RFX6: variants seen among roughly 807,000 people sequenced by gnomAD.
The protein encoded by RFX6 is regulatory factor X6.
RFX6 carries 50 observed loss-of-function variants against 110.8 expected under a neutral mutation model. The ratio of observed to expected loss-of-function variants is 0.45; its 90% CI spans 0.36 to 0.57. The LOEUF is 0.57. RFX6 is among the 20% of genes least tolerant of loss of function. The probability of loss-of-function intolerance (pLI) is 0.00; values close to 1 mark genes in which losing one functional copy is unlikely to be tolerated. For missense variants in RFX6, 990 were observed against 1,127.0 expected (o/e 0.88, Z 1.74); for synonymous variants, 383 against 411.2 (o/e 0.93, Z 0.83).
chr6:116,893,155 G>C (rs1172579680), intron 4 of RFX6, among the ~76,000 whole-genome samples: 1 of 152,140 alleles, frequency 6.6e-6, no homozygotes, highest in African/African-American at 2.4e-5. Context: ...GGTGCTTTAT[G>C]GGGGATGGAT....
rs1164069140 is a variant in RFX6, at chr6:116,927,559, T to G, written c.2398+20T>G. The G allele has an allele frequency of 6.2e-7, 1 of 1,605,456 alleles. No individual in the cohort carries two copies. Among genetic ancestry groups the G allele is most frequent in the Non-Finnish European group, 8.5e-7 (1 of 1,178,790 alleles). On this transcript the variant is annotated intron_variant, in intron 17 of 18. Coordinates refer to ENST00000332958, the MANE Select transcript of RFX6 (RefSeq NM_173560.4). The stretch of plus-strand genomic sequence containing the variant: ...CAAATGGTATTGATATTTAAAAGAA[T>G]TTTTCTTGGTTTTTGAGATGGCAAT...
chr6:116,908,973 G>A (rs1422962442), intron 6 of RFX6, among the ~76,000 whole-genome samples: 8 of 151,766 alleles, frequency 5.3e-5, no homozygotes, highest in Non-Finnish European at 8.8e-5. Flanking sequence ...TGACATATAC[G>A]TTTTCAAGTG....
chr6:116,924,761 A>C lies in RFX6; in HGVS notation c.1648A>C (p.Asn550His). Residue 550 changes from asparagine (N) to histidine (H), a missense_variant, in exon 15 of 19, where the codon AAT becomes CAT. Asn to His is a moderately conservative substitution (Grantham distance 68). This residue lies in a region of RFX6 where 89 missense variants were observed against 140.3 expected (regional missense o/e 0.63). Transcript: ENST00000332958. ...TAATGACAAAGAGCAGGAGTTACAG[A>C]ATTTATTGGACAAGTATATGAAGAA... ...FNNDKEQELQ[N>H]LLDKYMKNSD... The C allele has an allele frequency of 6.3e-7, 1 of 1,591,188 alleles. No individual in the cohort carries two copies. Among genetic ancestry groups the C allele is most frequent in the Non-Finnish European group, 8.6e-7 (1 of 1,159,110 alleles).
Position 116,922,168 on chromosome 6 carries a change from G to A in RFX6, c.1437+17G>A. ...GTTATTAAGGTACTTTTTAATGACA[G>A]ATTCAGAAAATAAGTTCCTTGTAAA... is the stretch of plus-strand genomic sequence containing the variant. On this transcript the variant is annotated intron_variant, in intron 13 of 18. Transcript: ENST00000332958. 2.7e-6 allele frequency: 3 copies of A among 1,130,798 alleles called. No individual in the cohort carries two copies. The highest frequency in any genetic ancestry group is 4.1e-6 in the Non-Finnish European group (3 of 739,598). The allele number at this position is 1,130,798 out of a possible 1,614,324, so 70.0% of individuals were successfully genotyped here.
At chr6:116,883,637 A>G (rs1230721883) in intron 4 of RFX6, among the ~76,000 whole-genome samples, 1 of 152,110 alleles carries the variant, frequency 6.6e-6, no homozygotes, top group Admixed American at 6.6e-5. Context: ...TCTAGTGTGT[A>G]TTTTACACTT....
chr6:116,919,334 A>G (rs1048201836), intron 11 of RFX6, 38 bp downstream of exon 11: 2 of 1,577,120 alleles, frequency 1.3e-6, no homozygotes, highest in African/African-American at 1.3e-5. Context: ...TTGAGTCACC[A>G]TATAAAAAAT....
chr6:116,920,655 G>A (rs1775575425), intron 12 of RFX6, among the ~76,000 whole-genome samples: 1 of 151,814 alleles, frequency 6.6e-6, no homozygotes, highest in African/African-American at 2.4e-5. Context: ...TGTCAAAGGT[G>A]TTCTGGGCTG....
At chr6:116,906,929 C>A (rs1775216290) in intron 6 of RFX6, among the ~76,000 whole-genome samples, 1 of 150,962 alleles carries the variant, frequency 6.6e-6, no homozygotes, top group African/African-American at 2.4e-5. Context: ...GTGATGAAAG[C>A]AGACTTGCTT....
Position 116,931,833 on chromosome 6 carries a change from T to C in RFX6, c.*327T>C. On this transcript the variant is annotated 3_prime_UTR_variant, in exon 19 of 19. Transcript: ENST00000332958. ...CTAATTTATTAAACATCTGTGTGCC[T>C]TTTTATCTTTGGTTTCTTTTAAAAA... 1 of 232,782 alleles carries C rather than the reference T, an allele frequency of 4.3e-6. No individual in the cohort carries two copies. The highest frequency in any genetic ancestry group is 8.1e-5 in the South Asian group (1 of 12,382). 14.4% of individuals were successfully genotyped at this position (232,782 alleles called of 1,614,324 possible).
intron 4 of RFX6, among the ~76,000 whole-genome samples, chr6:116,890,705 G>A (rs1470116629): frequency 1.3e-5 from 2 of 152,100 alleles, no homozygotes; most frequent in African/African-American, 2.4e-5. Flanking sequence ...TTCTTCAGGT[G>A]TCAGTTTGTG....
Position 116,931,385 on chromosome 6 carries a change from C to A in RFX6, c.2666C>A (p.Thr889Asn). 6.2e-7 allele frequency: 1 copy of A among 1,613,182 alleles called. No homozygotes were observed. Among genetic ancestry groups the A allele is most frequent in the Non-Finnish European group, 8.5e-7 (1 of 1,179,192 alleles). The change falls in exon 19 of 19, where the codon ACT (threonine) becomes AAT (asparagine). Residue 889 changes from threonine to asparagine, a missense_variant. By Grantham distance (65) the Thr-to-Asn change is moderately conservative. Around this residue, in one of 5 missense-constraint regions of RFX6, gnomAD observed 438 missense variants for 441.9 expected, o/e 0.99. Transcript: ENST00000332958. ...PSSSSQCMYG[T>N]SNQYPAQETL... ...TCCTCATCCCAATGTATGTATGGAA[C>A]TTCCAACCAGTATCCAGCTCAAGAA...
intron 4 of RFX6, chr6:116,884,833 A>T (rs1380793395): frequency 6.6e-6 from 1 of 152,214 alleles, no homozygotes; most frequent in African/African-American, 2.4e-5. Context: ...CAAGAGCCAT[A>T]GATGTGCCCA....
intron 11 of RFX6, 59 bp downstream of exon 11, chr6:116,919,355 A>T: frequency 2.0e-6 from 3 of 1,478,470 alleles, no homozygotes; most frequent in South Asian, 2.3e-5. Context: ...GAATCTTCTG[A>T]GAAGGACAGA....
At chr6:116,887,021 C>T (rs1562133504) in intron 4 of RFX6, among the ~76,000 whole-genome samples, 3 of 152,106 alleles carry the variant, frequency 2.0e-5, no homozygotes. Context: ...TGAGATCGCA[C>T]CACTGCACTC....
At chr6:116,913,953 T>C (rs892623501) in intron 7 of RFX6, among the ~76,000 whole-genome samples, 1 of 152,240 alleles carries the variant, frequency 6.6e-6, no homozygotes, top group East Asian at 1.9e-4. Context: ...TGTTCTCTTC[T>C]AGCTACTTTG....
intron 7 of RFX6, among the ~76,000 whole-genome samples, chr6:116,913,071 T>A (rs899710956): frequency 6.6e-6 from 1 of 152,150 alleles, no homozygotes; most frequent in African/African-American, 2.4e-5. Flanking sequence ...TGCTTCTTTT[T>A]CTTTTTTCTT....
chr6:116,887,377 C>T (rs1441262105), intron 4 of RFX6, among the ~76,000 whole-genome samples: 1 of 152,182 alleles, frequency 6.6e-6, no homozygotes, highest in Admixed American at 6.5e-5. Flanking sequence ...CTATCCAGTT[C>T]CTTCACGCTT....
chr6:116,930,226 A>G (rs1350936679), intron 18 of RFX6, among the ~76,000 whole-genome samples: 1 of 152,228 alleles, frequency 6.6e-6, no homozygotes, highest in Non-Finnish European at 1.5e-5. Context: ...TAAGTGGATA[A>G]GTAGTGCAAG....
chr6:116,914,101 C>T (rs1252409462), intron 7 of RFX6, among the ~76,000 whole-genome samples: 1 of 152,154 alleles, frequency 6.6e-6, no homozygotes, highest in Non-Finnish European at 1.5e-5. Flanking sequence ...CTCTTTCCGA[C>T]CTCTGGTAAC....
Sources: allele counts gnomAD v4.1 joint callset (sites outside exome capture counted in the v4.1 genomes callset), GRCh38; gene constraint gnomAD v4.1.1; regional missense constraint gnomAD v4.1.1; transcripts MANE v1.5; gene names NCBI Gene and HGNC (gene_info 2026-07-23, HGNC 2026-07-21).